Variants in MICU1 observed in about 807,000 individuals in gnomAD.
MICU1 encodes mitochondrial calcium uptake 1, also known as calcium uptake protein 1, mitochondrial.
A neutral mutation model predicts 56.8 loss-of-function variants in MICU1; 45 were observed. The ratio of observed to expected loss-of-function variants is 0.79; its 90% CI spans 0.62 to 1.02. MICU1 has a LOEUF of 1.02. Ranked by LOEUF, MICU1 falls within the 50% of genes least tolerant of loss-of-function variation. MICU1 has a pLI of 0.00. For synonymous variants in MICU1, 186 were observed against 195.1 expected (o/e 0.95, Z 0.39); for missense variants, 504 against 587.1 (o/e 0.86, Z 1.46).
intron 1 of MICU1, among the ~76,000 whole-genome samples, chr10:72,608,011 AG>A (rs773200533): frequency 1.3e-5 from 2 of 152,106 alleles, no homozygotes; most frequent in Non-Finnish European, 2.9e-5. Context: ...GAGTAAAGAG[AG>A]GAAGAAAATT....
At position 72,464,377 on chromosome 10, in the gene MICU1, T is replaced by G. The variant is rs545190851; in HGVS notation, c.933+10723A>C. On this transcript the variant is annotated intron_variant, in intron 8 of 11. Transcript: ENST00000361114. ...ACGTGTGCTCGCACGCGCACACACG[T>G]ATACATACACACATACGTATACACA... Among the ~76,000 whole-genome samples the G allele has an allele frequency of 3.7e-4, 56 of 151,372 alleles. 1 individual carries two copies. Among genetic ancestry groups the G allele is most frequent in the African/African-American group, 1.3e-3 (53 of 41,144 alleles).
At chr10:72,435,766 C>T (rs1272463669) in intron 8 of MICU1, among the ~76,000 whole-genome samples, 1 of 152,260 alleles carries the variant, frequency 6.6e-6, no homozygotes, top group East Asian at 1.9e-4. Flanking sequence ...ATGTCCCACG[C>T]CCACGGAGCC....
intron 5 of MICU1, among the ~76,000 whole-genome samples, chr10:72,520,191 G>A (rs1329675433): frequency 6.6e-6 from 1 of 151,986 alleles, no homozygotes; most frequent in Non-Finnish European, 1.5e-5. Flanking sequence ...GCGGTGGGGT[G>A]TTAGAAAGAA....
chr10:72,614,180 C>T (rs1841924201), intron 1 of MICU1, among the ~76,000 whole-genome samples: 1 of 151,774 alleles, frequency 6.6e-6, no homozygotes, highest in South Asian at 2.1e-4. Flanking sequence ...TAAAATGTAC[C>T]CATACTCATT....
At chr10:72,466,612 C>T (rs1865801522) in intron 8 of MICU1, among the ~76,000 whole-genome samples, 2 of 152,156 alleles carry the variant, frequency 1.3e-5, no homozygotes, top group African/African-American at 4.8e-5. Context: ...AGTCAGGTCT[C>T]ATCATTTAGT....
intron 6 of MICU1, among the ~76,000 whole-genome samples, chr10:72,477,965 T>A (rs890953889): frequency 4.6e-5 from 7 of 151,294 alleles, no homozygotes; most frequent in African/African-American, 1.7e-4. Flanking sequence ...GCCTCCAGGG[T>A]TGAAGTGATG....
chr10:72,538,718 C>A (rs1051491456), intron 4 of MICU1, among the ~76,000 whole-genome samples: 2 of 151,696 alleles, frequency 1.3e-5, no homozygotes, highest in African/African-American at 4.8e-5. Flanking sequence ...AAATGAGGAA[C>A]AAAATGGCTA....
chr10:72,513,026 G>A (rs890018986), intron 5 of MICU1, among the ~76,000 whole-genome samples: 1 of 151,990 alleles, frequency 6.6e-6, no homozygotes, highest in Non-Finnish European at 1.5e-5. Context: ...TTTAAGACAG[G>A]AGGAGGTTGC....
In MICU1 at chr10:72,504,941, G is replaced by A. The variant is rs151262003; in HGVS notation, c.652+3214C>T. ...CTACAATGAGATGCCATCTCACACC[G>A]GTCAGAATGGCTATTATTATCATTA... is the stretch of plus-strand genomic sequence containing the variant. On this transcript the variant is annotated intron_variant, in intron 6 of 11. Transcript: ENST00000361114. Among the ~76,000 whole-genome samples the A allele has an allele frequency of 2.9e-3, 443 of 151,382 alleles. 2 individuals carry two copies. The highest frequency in any genetic ancestry group is 0.01 in the African/African-American group (418 of 41,134).
At chr10:72,469,374 T>A (rs929821860) in intron 8 of MICU1, among the ~76,000 whole-genome samples, 8 of 152,228 alleles carry the variant, frequency 5.3e-5, no homozygotes. Flanking sequence ...GGTGGAATTA[T>A]AAAACCCATA....
At chr10:72,625,693 G>A (rs1010143217) in intron 1 of MICU1, among the ~76,000 whole-genome samples, 9 of 152,200 alleles carry the variant, frequency 5.9e-5, no homozygotes, top group Non-Finnish European at 1.2e-4. Context: ...TGTCCCAGTC[G>A]CCTGTGAGGA....
intron 10 of MICU1, among the ~76,000 whole-genome samples, chr10:72,394,597 G>A (rs566170515): frequency 6.6e-6 from 1 of 151,686 alleles, no homozygotes; most frequent in South Asian, 2.1e-4. Flanking sequence ...CTGCACTCCA[G>A]TCTAGGTGAC....
intron 6 of MICU1, among the ~76,000 whole-genome samples, chr10:72,481,852 C>T (rs562741796): frequency 3.3e-5 from 5 of 152,176 alleles, no homozygotes; most frequent in Non-Finnish European, 4.4e-5. Flanking sequence ...AACAATAAGA[C>T]CCTACACAAA....
At chr10:72,575,825 A>G (rs1031906131) in intron 1 of MICU1, among the ~76,000 whole-genome samples, 1 of 152,172 alleles carries the variant, frequency 6.6e-6, no homozygotes, top group African/African-American at 2.4e-5. Flanking sequence ...ACACAGTAAT[A>G]TTAAAATTAG....
intron 5 of MICU1, among the ~76,000 whole-genome samples, chr10:72,529,303 T>C (rs987875577): frequency 4.0e-5 from 6 of 151,602 alleles, no homozygotes; most frequent in African/African-American, 7.3e-5. Context: ...CAGGGAGAGG[T>C]TGGGGGAAAG....
At chr10:72,557,247 C>T (rs940323333) in intron 3 of MICU1, among the ~76,000 whole-genome samples, 1 of 152,164 alleles carries the variant, frequency 6.6e-6, no homozygotes, top group Admixed American at 6.5e-5. Flanking sequence ...TCCTAGTTGA[C>T]AGGAATTGAT....
intron 1 of MICU1, among the ~76,000 whole-genome samples, chr10:72,599,618 C>G (rs142184499): frequency 3.3e-5 from 5 of 152,144 alleles, no homozygotes; most frequent in African/African-American, 9.7e-5. Context: ...GCTAGCAATT[C>G]AGATTTGTTA....
At chr10:72,575,540 T>C (rs1207420652) in intron 1 of MICU1, among the ~76,000 whole-genome samples, 2 of 152,234 alleles carry the variant, frequency 1.3e-5, no homozygotes, top group Non-Finnish European at 2.9e-5. Context: ...AACAAGTCCA[T>C]TGGTGCCATT....
chr10:72,391,257 T>C (rs1274513512), intron 10 of MICU1, among the ~76,000 whole-genome samples: 2 of 151,926 alleles, frequency 1.3e-5, no homozygotes, highest in African/African-American at 4.8e-5. Flanking sequence ...CATGGCGAAA[T>C]CCTCTCTCTA....
Sources: allele counts gnomAD v4.1 joint callset (sites outside exome capture counted in the v4.1 genomes callset), GRCh38; gene constraint gnomAD v4.1.1; transcripts MANE v1.5; gene names NCBI Gene and HGNC (gene_info 2026-07-23, HGNC 2026-07-21).